The following CSMD1 variants were observed in gnomAD, a reference collection of about 807,000 sequenced individuals.
The protein encoded by CSMD1 is CUB and sushi domain-containing protein 1.
CSMD1 carries 213 observed loss-of-function variants against 417.5 expected under a neutral mutation model. The ratio of observed to expected loss-of-function variants is 0.51; its 90% CI spans 0.46 to 0.57. The LOEUF is 0.57. CSMD1 is among the 20% of genes least tolerant of loss of function. The pLI, the probability that CSMD1 is intolerant of heterozygous loss-of-function variation, is 0.00. For missense variants in CSMD1, 6,923 were observed against 4,529.7 expected (o/e 1.53, Z -15.17); for synonymous variants, 2,862 against 1,736.8 (o/e 1.65, Z -16.11).
At chr8:3,982,190 TATTAATAAAAAA>T (rs1423681425) in intron 5 of CSMD1, among the ~76,000 whole-genome samples, 160 of 122,874 alleles carry the variant, frequency 1.3e-3, no homozygotes, top group African/African-American at 2.9e-3. Flanking sequence ...ATAATAATAA[TATTAATAAAAAA>T]AATAATAATA....
chr8:3,988,732 C>T (rs1001710369), intron 5 of CSMD1, among the ~76,000 whole-genome samples: 11 of 152,306 alleles, frequency 7.2e-5, no homozygotes, highest in Admixed American at 4.6e-4. Context: ...TTTTCATTCA[C>T]AAAGTTGACG....
chr8:4,409,032 CTT>C (rs1796499322), intron 3 of CSMD1, among the ~76,000 whole-genome samples: 1 of 152,190 alleles, frequency 6.6e-6, no homozygotes, highest in South Asian at 2.1e-4. Flanking sequence ...ATCTGTATCA[CTT>C]TGTCATTTGG....
intron 5 of CSMD1, among the ~76,000 whole-genome samples, chr8:3,883,864 A>C (rs1806377252): frequency 6.6e-6 from 1 of 152,138 alleles, no homozygotes; most frequent in Non-Finnish European, 1.5e-5. Context: ...GAAAAGAGGA[A>C]AACAATACGG....
intron 5 of CSMD1, among the ~76,000 whole-genome samples, chr8:3,921,032 T>A (rs1371864048): frequency 6.6e-6 from 1 of 152,184 alleles, no homozygotes; most frequent in Non-Finnish European, 1.5e-5. Context: ...CGAAAGAGTT[T>A]GAAAAGCGTT....
intron 25 of CSMD1, among the ~76,000 whole-genome samples, chr8:3,291,149 G>A (rs1326923847): frequency 6.6e-6 from 1 of 152,138 alleles, no homozygotes; most frequent in Non-Finnish European, 1.5e-5. Flanking sequence ...GTATGTTGAA[G>A]CAGCCTTGCA....
rs941517322 is a variant in CSMD1, at chr8:4,880,022, G to T, written c.85+114310C>A. Among the ~76,000 whole-genome samples, 7 of 152,096 alleles carry T rather than the reference G, an allele frequency of 4.6e-5. No individual in the cohort carries two copies. In the South Asian group the frequency reaches 1.2e-3, roughly 27 times the overall value. On this transcript the variant is annotated intron_variant, in intron 1 of 69. Coordinates refer to ENST00000635120, the MANE Select transcript of CSMD1 (RefSeq NM_033225.6). ...TCATCCATTGGCTGATTTATTTCTG[G>T]CTTTAAAAGTATTTTTGGCTTTAAA...
chr8:3,447,902 C>G (rs1040563708), intron 12 of CSMD1, among the ~76,000 whole-genome samples: 3 of 152,092 alleles, frequency 2.0e-5, no homozygotes. Flanking sequence ...AGCAATGTAA[C>G]CCCAGAGGAG....
intron 5 of CSMD1, among the ~76,000 whole-genome samples, chr8:3,885,091 A>G (rs952303348): frequency 6.6e-6 from 1 of 152,092 alleles, no homozygotes; most frequent in Admixed American, 6.6e-5. Context: ...AGCTTCTCAT[A>G]TACATGCTTA....
At chr8:3,534,438 C>T (rs7010890) in intron 10 of CSMD1, among the ~76,000 whole-genome samples, 16,890 of 150,646 alleles carry the variant, frequency 0.11, 1,283 homozygotes, top group African/African-American at 0.19. Flanking sequence ...GGCAAAGTGC[C>T]TATCAGCATG....
chr8:3,149,370 C>G (rs1423499216), intron 40 of CSMD1, among the ~76,000 whole-genome samples: 1 of 152,138 alleles, frequency 6.6e-6, no homozygotes, highest in Non-Finnish European at 1.5e-5. Flanking sequence ...AAGAATAATA[C>G]AAAATACAAC....
rs191888964 is a variant in CSMD1, at chr8:4,402,757, C to G, written c.415+17196G>C. ...ATTCAACTACCTCTTTGCATCTGTA[C>G]TGAATGCCCTTGATGCTGTGAGTAT... is the stretch of plus-strand genomic sequence containing the variant. On this transcript the variant is annotated intron_variant, in intron 3 of 69. Coordinates refer to ENST00000635120, the MANE Select transcript of CSMD1 (RefSeq NM_033225.6). Among the ~76,000 whole-genome samples the G allele has an allele frequency of 2.6e-3, 385 of 149,054 alleles. 1 individual carries two copies. The highest frequency in any genetic ancestry group is 8.6e-3 in the African/African-American group (347 of 40,506).
At chr8:4,507,612 T>C (rs1028431510) in intron 2 of CSMD1, among the ~76,000 whole-genome samples, 3 of 152,186 alleles carry the variant, frequency 2.0e-5, no homozygotes, top group Non-Finnish European at 2.9e-5. Flanking sequence ...GGTGGAAACA[T>C]CTATTTCCAA....
chr8:4,028,147 C>A (rs371440464), intron 4 of CSMD1, among the ~76,000 whole-genome samples: 27 of 152,072 alleles, frequency 1.8e-4, no homozygotes, highest in Admixed American at 5.2e-4. Flanking sequence ...AGAAAATGAG[C>A]ATTTTAGAAA....
chr8:3,864,554 G>C (rs572836449), intron 5 of CSMD1, among the ~76,000 whole-genome samples: 2 of 152,086 alleles, frequency 1.3e-5, no homozygotes, highest in African/African-American at 4.8e-5. Context: ...TGCCATGTTG[G>C]TGTACTGCAC....
chr8:3,356,043 T>G (rs567416376), intron 21 of CSMD1, among the ~76,000 whole-genome samples: 25 of 152,196 alleles, frequency 1.6e-4, no homozygotes, highest in Non-Finnish European at 3.2e-4. Flanking sequence ...AGTGACTTGA[T>G]AGAGAGAGAA....
In CSMD1 at chr8:3,830,101, G is replaced by C. The variant is rs191121688; in HGVS notation, c.819-76059C>G. 5.7e-3 allele frequency among the ~76,000 whole-genome samples: 864 copies of C among 152,182 alleles called. 10 individuals are homozygous for C. Among genetic ancestry groups the C allele is most frequent in the Middle Eastern group, 0.017 (5 of 292 alleles). ...AATTTTCTTCTGTGCCCGTTTTCTT[G>C]ACCCTAAAGTGAAGGAGAGTAATTT... is the stretch of plus-strand genomic sequence containing the variant. On this transcript the variant is annotated intron_variant, in intron 5 of 69. Transcript: ENST00000635120.
intron 3 of CSMD1, among the ~76,000 whole-genome samples, chr8:4,254,172 C>T (rs999511982): frequency 6.6e-6 from 1 of 152,028 alleles, no homozygotes; most frequent in Non-Finnish European, 1.5e-5. Flanking sequence ...CCGCCTTGGC[C>T]TCCCAAAGTG....
intron 25 of CSMD1, among the ~76,000 whole-genome samples, chr8:3,299,552 C>T (rs1015275372): frequency 8.7e-6 from 1 of 114,548 alleles, no homozygotes; most frequent in African/African-American, 3.2e-5. Flanking sequence ...GCACAGTGTC[C>T]CAAGGTCTGG....
intron 20 of CSMD1, among the ~76,000 whole-genome samples, chr8:3,362,657 C>A (rs1219057395): frequency 6.6e-6 from 1 of 152,160 alleles, no homozygotes; most frequent in East Asian, 1.9e-4. Flanking sequence ...TTGAATACAT[C>A]CCTCAATATC....
Sources: allele counts gnomAD v4.1 joint callset (sites outside exome capture counted in the v4.1 genomes callset), GRCh38; gene constraint gnomAD v4.1.1; transcripts MANE v1.5; gene names NCBI Gene and HGNC (gene_info 2026-07-23, HGNC 2026-07-21).